AGBL4: variants seen among roughly 807,000 people sequenced by gnomAD.
AGBL4 encodes cytosolic carboxypeptidase 6.
AGBL4 carries 58 observed loss-of-function variants against 66.4 expected under a neutral mutation model. The ratio of observed to expected loss-of-function variants is 0.87; its 90% CI spans 0.71 to 1.09. The LOEUF is 1.09. Among genes scored for constraint, AGBL4 ranks in the 50% least tolerant of loss-of-function variants. The pLI, the probability that AGBL4 is intolerant of heterozygous loss-of-function variation, is 0.00. For missense variants in AGBL4, 579 were observed against 631.0 expected (o/e 0.92, Z 0.88); for synonymous variants, 234 against 222.9 (o/e 1.05, Z -0.44).
chr1:49,425,221 G>A (rs1645629798), intron 3 of AGBL4, among the ~76,000 whole-genome samples: 1 of 152,082 alleles, frequency 6.6e-6, no homozygotes, highest in Admixed American at 6.6e-5. Context: ...TTTACATTAT[G>A]AGTCACAATG....
At chr1:49,180,778 T>C (rs1218520685) in intron 4 of AGBL4, among the ~76,000 whole-genome samples, 2 of 152,166 alleles carry the variant, frequency 1.3e-5, no homozygotes, top group African/African-American at 4.8e-5. Context: ...ACCAAGAGCA[T>C]TGTGAGCCAC....
chr1:49,222,294 A>T (rs1649558601), intron 4 of AGBL4, among the ~76,000 whole-genome samples: 1 of 152,056 alleles, frequency 6.6e-6, no homozygotes, highest in African/African-American at 2.4e-5. Flanking sequence ...AAAAAAAAAA[A>T]GCAAGATTAG....
intron 1 of AGBL4, among the ~76,000 whole-genome samples, chr1:49,917,569 C>A (rs555020795): frequency 6.6e-6 from 1 of 152,210 alleles, no homozygotes; most frequent in East Asian, 1.9e-4. Context: ...TACAGGAGCA[C>A]CAAGATTCAT....
At chr1:49,668,649 A>C (rs543215154) in intron 3 of AGBL4, among the ~76,000 whole-genome samples, 39 of 152,298 alleles carry the variant, frequency 2.6e-4, no homozygotes, top group African/African-American at 9.4e-4. Context: ...AGTTTACTGT[A>C]ACGAAGGAAA....
intron 6 of AGBL4, among the ~76,000 whole-genome samples, chr1:48,863,469 G>T (rs1570864020): frequency 6.6e-6 from 1 of 152,100 alleles, no homozygotes; most frequent in East Asian, 1.9e-4. Flanking sequence ...TTATTATACT[G>T]TATTTTAAAA....
intron 2 of AGBL4, among the ~76,000 whole-genome samples, chr1:49,843,004 T>C (rs186806730): frequency 3.9e-5 from 6 of 152,218 alleles, no homozygotes; most frequent in African/African-American, 1.4e-4. Context: ...TGTAGGGTGA[T>C]TGATAGGTAG....
At chr1:48,939,389 T>C (rs1655757449) in intron 5 of AGBL4, among the ~76,000 whole-genome samples, 1 of 152,226 alleles carries the variant, frequency 6.6e-6, no homozygotes, top group African/African-American at 2.4e-5. Context: ...TGGGTCCCTC[T>C]CCTTCAGTCC....
At chr1:49,736,008 G>GA (rs1461184087) in intron 2 of AGBL4, among the ~76,000 whole-genome samples, 1 of 151,754 alleles carries the variant, frequency 6.6e-6, no homozygotes, top group African/African-American at 2.4e-5. Context: ...GAAAAAAAAT[G>GA]AAAAAAATTT....
At chr1:49,101,468 T>C (rs1328343881) in intron 4 of AGBL4, among the ~76,000 whole-genome samples, 1 of 152,222 alleles carries the variant, frequency 6.6e-6, no homozygotes, top group Non-Finnish European at 1.5e-5. Context: ...ATTACAGGCA[T>C]GAGCTACCAT....
At chr1:49,666,013 ATTT>A (rs1304033793) in intron 3 of AGBL4, among the ~76,000 whole-genome samples, 1 of 151,160 alleles carries the variant, frequency 6.6e-6, no homozygotes, top group African/African-American at 2.4e-5. Context: ...TTTTTAAAAA[ATTT>A]TTTTTCTTGC....
intron 5 of AGBL4, among the ~76,000 whole-genome samples, chr1:48,958,298 G>C (rs1657662509): frequency 6.6e-6 from 1 of 152,116 alleles, no homozygotes; most frequent in African/African-American, 2.4e-5. Flanking sequence ...ATGCCTTTCT[G>C]CTCCTCAATT....
Position 49,502,054 on chromosome 1 carries a change from G to T in AGBL4, c.282+195259C>A, listed in dbSNP as rs184344120. 7.2e-5 allele frequency among the ~76,000 whole-genome samples: 11 copies of T among 152,198 alleles called. 1 individual carries two copies. Among genetic ancestry groups the T allele is most frequent in the African/African-American group, 2.6e-4 (11 of 41,558 alleles). On this transcript the variant is annotated intron_variant, in intron 3 of 13. Coordinates refer to ENST00000371839, the MANE Select transcript of AGBL4 (RefSeq NM_032785.4). The stretch of plus-strand genomic sequence containing the variant: ...TATTATATATCCTGAAGAATATTTT[G>T]TGTCATTTTGAGAAGAATATGTGTT...
intron 4 of AGBL4, among the ~76,000 whole-genome samples, chr1:49,111,931 A>G (rs915676405): frequency 5.3e-5 from 8 of 152,170 alleles, no homozygotes; most frequent in African/African-American, 1.9e-4. Flanking sequence ...ATTTATTTCT[A>G]TTTCTCCAGC....
chr1:49,069,754 T>A (rs558418017), intron 4 of AGBL4, among the ~76,000 whole-genome samples: 1 of 152,074 alleles, frequency 6.6e-6, no homozygotes, highest in East Asian at 1.9e-4. Context: ...AGTAGTGTTT[T>A]CTAATTCTGT....
chr1:49,782,697 G>GTTAATGTCATT (rs1644365069), intron 2 of AGBL4, among the ~76,000 whole-genome samples: 1 of 152,184 alleles, frequency 6.6e-6, no homozygotes, highest in African/African-American at 2.4e-5. Context: ...AAGTGAATGG[G>GTTAATGTCATT]TTAATGTCAT....
At chr1:48,707,622 A>G (rs1431931188) in intron 6 of AGBL4, among the ~76,000 whole-genome samples, 1 of 152,208 alleles carries the variant, frequency 6.6e-6, no homozygotes, top group Non-Finnish European at 1.5e-5. Flanking sequence ...AAACTCCCAG[A>G]GGCTCAGTGT....
Position 48,533,849 on chromosome 1 carries a change from C to A in AGBL4, c.*324G>T. 2.9e-6 allele frequency: 1 copy of A among 349,878 alleles called. No homozygotes were observed. The highest frequency in any genetic ancestry group is 4.3e-5 in the Admixed American group (1 of 23,370). The allele number at this position is 349,878 out of a possible 1,614,324, so 21.7% of individuals were successfully genotyped here. On this transcript the variant is annotated 3_prime_UTR_variant, in exon 14 of 14. Transcript: ENST00000371839. Reference sequence around the variant, plus strand: ...TGTAAAGTGGCTTTGAAAGAACTGACCTGATATGTGTCAAATCTCTTAAAA... The same window carrying A: ...TGTAAAGTGGCTTTGAAAGAACTGAACTGATATGTGTCAAATCTCTTAAAA...
chr1:48,794,574 C>G (rs2148734326), intron 6 of AGBL4, among the ~76,000 whole-genome samples: 1 of 152,350 alleles, frequency 6.6e-6, no homozygotes, highest in East Asian at 1.9e-4. Flanking sequence ...CTAACTGATT[C>G]TAGGACACTT....
chr1:48,697,216 C>A (rs1036769995), intron 6 of AGBL4, among the ~76,000 whole-genome samples: 2 of 152,144 alleles, frequency 1.3e-5, no homozygotes, highest in African/African-American at 4.8e-5. Flanking sequence ...GGCCCGGGTT[C>A]ATCTTTGGAC....
Sources: allele counts gnomAD v4.1 joint callset (sites outside exome capture counted in the v4.1 genomes callset), GRCh38; gene constraint gnomAD v4.1.1; transcripts MANE v1.5; gene names NCBI Gene and HGNC (gene_info 2026-07-23, HGNC 2026-07-21).